LAS1L: variants seen among roughly 807,000 people sequenced by gnomAD.
LAS1L encodes LAS1 like ribosome biogenesis factor.
In LAS1L, 5 loss-of-function variants were observed where a neutral mutation model predicts 57.3. The ratio of observed to expected loss-of-function variants is 0.09; its 90% CI spans 0.05 to 0.18. The LOEUF (loss-of-function observed/expected upper bound fraction) is 0.18, where lower values mean the gene tolerates loss of function less well. Ranked by LOEUF, LAS1L falls within the 10% of genes least tolerant of loss-of-function variation. LAS1L has a pLI of 1.00. For missense variants in LAS1L, 360 were observed against 568.3 expected (o/e 0.63, Z 3.73); for synonymous variants, 245 against 231.7 (o/e 1.06, Z -0.52).
chrX:65,526,576 G>C (rs781035804), intron 7 of LAS1L, among the ~76,000 whole-genome samples: 1 of 111,440 alleles, frequency 9.0e-6, no homozygotes, highest in Admixed American at 9.5e-5. Flanking sequence ...TCTCACCCAG[G>C]GTTACTCTGC....
Position 65,530,323 on chromosome X carries a change from C to A in LAS1L, c.515-445G>T, listed in dbSNP as rs779765538. 3.5e-3 allele frequency among the ~76,000 whole-genome samples: 390 copies of A among 112,029 alleles called. 3 individuals carry two copies. Among genetic ancestry groups the A allele is most frequent in the Non-Finnish European group, 5.1e-3 (273 of 53,175 alleles). On this transcript the variant is annotated intron_variant, in intron 4 of 13. Coordinates refer to ENST00000374811, the MANE Select transcript of LAS1L (RefSeq NM_031206.7). ...ACTGCTGATGGCTCATGCCTGGCAA[C>A]CTCCCCACCTCAACTATGGAGAGGT...
Position 65,514,809 on chromosome X carries a change from C to A in LAS1L, c.2078+14G>T. 1 of 1,163,169 alleles carries A rather than the reference C, an allele frequency of 8.6e-7. No individual in the cohort carries two copies. ...AGAAAGGGGGTGAGAAATCCTGTTGCCATGGGCACTCACTCAGTCTTGCAT... is the reference window on the plus strand; with the variant it reads ...AGAAAGGGGGTGAGAAATCCTGTTGACATGGGCACTCACTCAGTCTTGCAT... On this transcript the variant is annotated intron_variant, in intron 13 of 13. Transcript: ENST00000374811.
In LAS1L at chrX:65,518,108, C is replaced by CTCTTCATCA. The variant is rs766197666; in HGVS notation, c.1797_1805dup (p.Asp599_Glu601dup). The CTCTTCATCA allele has an allele frequency of 8.3e-7, 1 of 1,204,163 alleles. No individual in the cohort carries two copies. Among genetic ancestry groups the CTCTTCATCA allele is most frequent in the Non-Finnish European group, 1.1e-6 (1 of 889,821 alleles). On this transcript the variant is annotated inframe_insertion, in exon 12 of 14. Transcript: ENST00000374811. ...AAGGCCCCACCTCCATTCTGTCTTC[C>CTCTTCATCA]TCTTCATCATCTTCATCATCTTCAT...
At chrX:65,530,026 C>T in intron 4 of LAS1L, 148 bp from the exon 5 acceptor site, 1 of 508,243 alleles carries the variant, frequency 2.0e-6, no homozygotes, top group Admixed American at 3.9e-5. Flanking sequence ...GCCTCTTTCA[C>T]TCTGGGTTAT....
At chrX:65,526,998 G>A (rs1248728408) in intron 7 of LAS1L, among the ~76,000 whole-genome samples, 1 of 101,383 alleles carries the variant, frequency 9.9e-6, no homozygotes, top group Non-Finnish European at 2.0e-5. Context: ...GATCACCTGA[G>A]GTCAAGAGTT....
At position 65,532,647 on chromosome X, in the gene LAS1L, A is replaced by G. The variant is rs1160908779; in HGVS notation, c.363-17T>C. 3 of 1,126,225 alleles carry G rather than the reference A, an allele frequency of 2.7e-6. No homozygotes were observed. In the African/African-American group the frequency reaches 5.4e-5, roughly 20 times the overall value. The allele number at this position is 1,126,225 out of a possible 1,213,427, so 92.8% of individuals were successfully genotyped here. A position where few individuals can be genotyped will look rare whatever the true frequency, so the allele number is the denominator to read the frequency against. On this transcript the variant is annotated splice_polypyrimidine_tract_variant and intron_variant, in intron 2 of 13. Transcript: ENST00000374811. ...TTCACAAACCTGGAGTTGAGGGAGA[A>G]ATAAGTGGCACAGCCCAAGGAACCA...
chrX:65,518,917 A>G (rs2068743848), intron 11 of LAS1L: 1 of 753,701 alleles, frequency 1.3e-6, no homozygotes, highest in South Asian at 6.7e-5. Flanking sequence ...CTCCAAGGAT[A>G]TGCCTGGAAG....
intron 11 of LAS1L, among the ~76,000 whole-genome samples, chrX:65,520,109 C>CAGTGGT (rs1429605005): frequency 5.4e-5 from 6 of 111,698 alleles, no homozygotes; most frequent in Non-Finnish European, 1.1e-4. Flanking sequence ...ATTAGTCTGA[C>CAGTGGT]CACTAAGGTG....
At chrX:65,531,173 G>C (rs904307213) in intron 4 of LAS1L, among the ~76,000 whole-genome samples, 184 bp downstream of exon 4, 5 of 111,997 alleles carry the variant, frequency 4.5e-5, no homozygotes, top group Non-Finnish European at 9.4e-5. Flanking sequence ...TATTTATCTT[G>C]ATTATGGAAC....
intron 13 of LAS1L, among the ~76,000 whole-genome samples, chrX:65,514,348 GCCTACTGATTACTC>G (rs1256502119): frequency 9.0e-6 from 1 of 110,878 alleles, no homozygotes; most frequent in Non-Finnish European, 1.9e-5. Context: ...GTGTGGGGAG[GCCTACTGATTACTC>G]TATGCACCAT....
In LAS1L at chrX:65,517,976, G is replaced by C; in HGVS notation, c.1927+11C>G. On this transcript the variant is annotated intron_variant, in intron 12 of 13. Coordinates refer to ENST00000374811, the MANE Select transcript of LAS1L (RefSeq NM_031206.7). ...GAAAAGAAGTCCATGTGGGGACAAA[G>C]TAGTTCTTACCTGAGCTAACCTGCC... The C allele has an allele frequency of 8.5e-7, 1 of 1,178,622 alleles. No individual in the cohort carries two copies. The highest frequency in any genetic ancestry group is 2.0e-5 in the South Asian group (1 of 51,245).
At chrX:65,518,702 G>A (rs2068737111) in intron 11 of LAS1L, 1 of 506,797 alleles carries the variant, frequency 2.0e-6, no homozygotes, top group African/African-American at 2.6e-5. Flanking sequence ...GATACCTAAT[G>A]TATAGGATTG....
intron 10 of LAS1L, 116 bp downstream of exon 10, chrX:65,523,940 A>G: frequency 1.2e-6 from 1 of 817,769 alleles, no homozygotes. Context: ...GGGCAAACCT[A>G]AACCTTTAAC....
Position 65,525,847 on chromosome X carries a change from G to A in LAS1L, c.957-797C>T, listed in dbSNP as rs923701614. ...GCAACAGCAAGCTGATTCCTCCAGA[G>A]TTAGTGGCTTCCCAAGAGGCTTTCT... is the stretch of plus-strand genomic sequence containing the variant. On this transcript the variant is annotated intron_variant, in intron 7 of 13. Transcript: ENST00000374811. Among the ~76,000 whole-genome samples the A allele has an allele frequency of 3.0e-4, 33 of 109,833 alleles. 1 individual carries two copies. The highest frequency in any genetic ancestry group is 3.0e-3 in the Admixed American group (31 of 10,377).
At chrX:65,526,842 C>A (rs895204444) in intron 7 of LAS1L, among the ~76,000 whole-genome samples, 1 of 111,318 alleles carries the variant, frequency 9.0e-6, no homozygotes, top group Non-Finnish European at 1.9e-5. Context: ...AGGAGCCAGA[C>A]CCTGAGAAGG....
intron 13 of LAS1L, among the ~76,000 whole-genome samples, chrX:65,513,644 G>A (rs1426027221): frequency 7.1e-5 from 8 of 112,531 alleles, no homozygotes; most frequent in Non-Finnish European, 1.5e-4. Flanking sequence ...ACATAGCCAA[G>A]TCAGGGGTGG....
rs201733607 is a variant in LAS1L at position 65,518,003 on chromosome X, T to C, written c.1911A>G (p.Ala637=). The C allele has an allele frequency of 1.4e-4, 165 of 1,203,980 alleles. No homozygotes were observed. Among genetic ancestry groups the C allele is most frequent in the Middle Eastern group, 2.3e-4 (1 of 4,292 alleles). The change falls in exon 12 of 14, where the codon GCA becomes GCG. Residue 637 remains alanine (A), a synonymous_variant. Coordinates refer to ENST00000374811, the MANE Select transcript of LAS1L (RefSeq NM_031206.7). ...AGTTCTTACCTGAGCTAACCTGCCA[T>C]GCAGAGCCCTGCAAAGCTCCTCTTT... The part of the protein sequence containing the change: ...AQKRGALQGS[A]WQVSSEDVRW...
In LAS1L at chrX:65,513,637, T is replaced by A. The variant is rs370027287; in HGVS notation, c.2079-736A>T. Among the ~76,000 whole-genome samples, 44 of 112,372 alleles carry A rather than the reference T, an allele frequency of 3.9e-4. 1 individual carries two copies. In the South Asian group the frequency reaches 0.015, roughly 39 times the overall value. Reference sequence around the variant, plus strand: ...GGGAATGGACTTTCCCAAGGCCACATAGCCAAGTCAGGGGTGGAGCTGAGA... The same window carrying A: ...GGGAATGGACTTTCCCAAGGCCACAAAGCCAAGTCAGGGGTGGAGCTGAGA... On this transcript the variant is annotated intron_variant, in intron 13 of 13. Transcript: ENST00000374811.
Position 65,527,681 on chromosome X carries a change from A to C in LAS1L, c.956+579T>G, listed in dbSNP as rs186520543. Among the ~76,000 whole-genome samples the C allele has an allele frequency of 5.5e-5, 6 of 109,465 alleles. No homozygotes were observed. The Admixed American group carries it at 5.9e-4, about 11-fold the overall frequency. On this transcript the variant is annotated intron_variant, in intron 7 of 13. Transcript: ENST00000374811. The stretch of plus-strand genomic sequence containing the variant: ...AACTCTGTCTCCACTGAAAATACAA[A>C]AACTAGCCAGGTGTGGTGGCTCACG...
Sources: allele counts gnomAD v4.1 joint callset (sites outside exome capture counted in the v4.1 genomes callset), GRCh38; gene constraint gnomAD v4.1.1; transcripts MANE v1.5; gene names NCBI Gene and HGNC (gene_info 2026-07-23, HGNC 2026-07-21).